MET: variants seen among roughly 807,000 people sequenced by gnomAD.
MET encodes hepatocyte growth factor receptor.
In MET, 48 loss-of-function variants were observed where a neutral mutation model predicts 133.1. The observed-to-expected ratio is 0.36, with a 90% confidence interval of 0.29 to 0.46. The LOEUF (loss-of-function observed/expected upper bound fraction) is 0.46. Ranked by LOEUF, MET falls within the 20% of genes least tolerant of loss-of-function variation. MET has a pLI of 1.00. For synonymous variants in MET, 628 were observed against 616.5 expected (o/e 1.02, Z -0.28); for missense variants, 1,442 against 1,695.9 (o/e 0.85, Z 2.63).
Position 116,699,230 on chromosome 7 carries a change from A to G in MET, c.146A>G (p.Glu49Gly), listed in dbSNP as rs370499060. ...TATCAGCTTCCCAACTTCACCGCGG[A>G]AACACCCATCCAGAATGTCATTCTA... ...MKYQLPNFTA[E>G]TPIQNVILHE... The change falls in exon 2 of 21, where the codon GAA becomes GGA. Residue 49 changes from glutamate (E) to glycine (G), a missense_variant. Physicochemically the swap from Glu to Gly is moderately conservative, Grantham distance 98 (BLOSUM62 -2). This residue lies in a region of MET where 762 missense variants were observed against 792.4 expected (regional missense o/e 0.96). Coordinates refer to ENST00000397752, the MANE Select transcript of MET (RefSeq NM_000245.4). 54 of 1,613,850 alleles carry G rather than the reference A, an allele frequency of 3.3e-5. No homozygotes were observed. The highest frequency in any genetic ancestry group is 3.6e-5 in the Non-Finnish European group (42 of 1,179,926).
intron 2 of MET, among the ~76,000 whole-genome samples, chr7:116,706,219 G>A (rs542750781): frequency 5.3e-5 from 8 of 151,982 alleles, no homozygotes; most frequent in Admixed American, 2.0e-4. Flanking sequence ...TAACTATGCC[G>A]CATGCATTTT....
chr7:116,787,880 T>A (rs1367023592), intron 19 of MET, among the ~76,000 whole-genome samples: 1 of 152,146 alleles, frequency 6.6e-6, no homozygotes, highest in Non-Finnish European at 1.5e-5. Flanking sequence ...ACATGAATGA[T>A]CACAGTAGTT....
chr7:116,709,353 T>C (rs954419715), intron 2 of MET, among the ~76,000 whole-genome samples: 1 of 152,232 alleles, frequency 6.6e-6, no homozygotes, highest in Non-Finnish European at 1.5e-5. Flanking sequence ...GTGTTGATTT[T>C]ATTTGATATA....
At chr7:116,691,354 G>A (rs1362487462) in intron 1 of MET, among the ~76,000 whole-genome samples, 10 of 152,118 alleles carry the variant, frequency 6.6e-5, no homozygotes, top group Non-Finnish European at 1.5e-4. Context: ...AATTATTCAA[G>A]TAAATAAAGA....
intron 2 of MET, among the ~76,000 whole-genome samples, chr7:116,721,402 G>T (rs376678277): frequency 2.6e-5 from 4 of 151,784 alleles, no homozygotes; most frequent in African/African-American, 9.7e-5. Flanking sequence ...TCTTGCTAGC[G>T]GTCTATCAAT....
Position 116,675,988 on chromosome 7 carries a change from G to A in MET, c.-15+3411G>A, listed in dbSNP as rs186739631. 2.2e-3 allele frequency among the ~76,000 whole-genome samples: 336 copies of A among 152,254 alleles called. 3 individuals are homozygous for A. The highest frequency in any genetic ancestry group is 6.8e-3 in the Middle Eastern group (2 of 294). On this transcript the variant is annotated intron_variant, in intron 1 of 20. Coordinates refer to ENST00000397752, the MANE Select transcript of MET (RefSeq NM_000245.4). Reference sequence around the variant, plus strand: ...GGATTTGTTTCAATAAAAACATCCAGTAAAATCTGACTACTTTGCTTTTCA... The same window carrying A: ...GGATTTGTTTCAATAAAAACATCCAATAAAATCTGACTACTTTGCTTTTCA...
chr7:116,674,233 T>A (rs1436551644), intron 1 of MET, among the ~76,000 whole-genome samples: 3 of 152,180 alleles, frequency 2.0e-5, no homozygotes, highest in African/African-American at 7.2e-5. Flanking sequence ...TTGATGGAGT[T>A]TATCTTCATG....
intron 11 of MET, among the ~76,000 whole-genome samples, chr7:116,765,495 T>C (rs1794592373): frequency 6.6e-6 from 1 of 151,822 alleles, no homozygotes; most frequent in South Asian, 2.1e-4. Context: ...GTAAGCCCAG[T>C]GACTACACCA....
intron 5 of MET, among the ~76,000 whole-genome samples, chr7:116,747,357 T>C (rs893205485): frequency 1.2e-4 from 19 of 152,050 alleles, no homozygotes; most frequent in African/African-American, 4.3e-4. Context: ...TCAAGACCCA[T>C]TGGTGTGCTG....
At chr7:116,725,744 A>G (rs1792726183) in intron 2 of MET, among the ~76,000 whole-genome samples, 1 of 151,192 alleles carries the variant, frequency 6.6e-6, no homozygotes, top group South Asian at 2.1e-4. Context: ...ATATCTAAAG[A>G]TATAAATATG....
At chr7:116,748,781 C>A (rs1793799790) in intron 5 of MET, among the ~76,000 whole-genome samples, 2 of 152,166 alleles carry the variant, frequency 1.3e-5, no homozygotes, top group Admixed American at 1.3e-4. Context: ...GATATCACCA[C>A]TGATCCCACA....
At chr7:116,794,907 T>C (rs1362749650) in intron 19 of MET, among the ~76,000 whole-genome samples, 1 of 152,210 alleles carries the variant, frequency 6.6e-6, no homozygotes, top group Non-Finnish European at 1.5e-5. Flanking sequence ...TGAAGTTCAG[T>C]AGACCAAACA....
intron 1 of MET, among the ~76,000 whole-genome samples, chr7:116,683,664 C>G (rs1796441561): frequency 6.6e-6 from 1 of 152,176 alleles, no homozygotes; most frequent in Non-Finnish European, 1.5e-5. Context: ...GTACCACATG[C>G]CCAAGAAAGT....
chr7:116,712,467 A>G (rs937777073), intron 2 of MET, among the ~76,000 whole-genome samples: 2 of 152,266 alleles, frequency 1.3e-5, no homozygotes, highest in African/African-American at 4.8e-5. Context: ...CTTGAACAAT[A>G]TATACATTTA....
chr7:116,764,714 G>A, intron 11 of MET, among the ~76,000 whole-genome samples: 1 of 152,040 alleles, frequency 6.6e-6, no homozygotes, highest in East Asian at 1.9e-4. Flanking sequence ...GCCTGTCAAT[G>A]GTATTCCCAA....
intron 5 of MET, among the ~76,000 whole-genome samples, chr7:116,746,864 A>T (rs1299157175): frequency 6.6e-6 from 1 of 152,184 alleles, no homozygotes; most frequent in East Asian, 1.9e-4. Flanking sequence ...ACCAACATGC[A>T]CATGTATACA....
chr7:116,776,066 G>A (rs181318630), intron 15 of MET, among the ~76,000 whole-genome samples: 5 of 151,540 alleles, frequency 3.3e-5, no homozygotes, highest in Non-Finnish European at 5.9e-5. Context: ...CATTCTTCTT[G>A]TTGTTTTTTT....
rs926949147 is a variant in MET, at chr7:116,796,333, T to A, written c.*209T>A. 4 of 597,546 alleles carry A rather than the reference T, an allele frequency of 6.7e-6. No homozygotes were observed. In the African/African-American group the frequency reaches 7.4e-5, roughly 11 times the overall value. 37.0% of individuals were successfully genotyped at this position (597,546 alleles called of 1,614,324 possible). On this transcript the variant is annotated 3_prime_UTR_variant, in exon 21 of 21. Transcript: ENST00000397752. ...CTTGGTCCCACAGGCCACGGACCAA[T>A]GGCCTGCAGCCGTGACAACACTCCT... is the stretch of plus-strand genomic sequence containing the variant.
chr7:116,748,415 A>G (rs1793779495), intron 5 of MET, among the ~76,000 whole-genome samples: 1 of 152,216 alleles, frequency 6.6e-6, no homozygotes, highest in Admixed American at 6.5e-5. Context: ...AGTTCTTTGA[A>G]ACCAATAAGA....
Sources: gnomAD v4.1 joint callset for allele counts (sites outside exome capture counted in the v4.1 genomes callset) on GRCh38, gnomAD v4.1.1 for gene constraint, gnomAD v4.1.1 regional missense constraint, MANE v1.5 for transcripts, NCBI Gene and HGNC (gene_info 2026-07-23, HGNC 2026-07-21) for gene names.